Variants in KLHL1 observed in about 807,000 individuals in gnomAD.
KLHL1 encodes the protein kelch-like protein 1.
KLHL1 carries 47 observed loss-of-function variants against 77.7 expected under a neutral mutation model. That is an observed-to-expected ratio of 0.60 (90% CI 0.48 to 0.77). KLHL1 has a LOEUF of 0.77. Ranked by LOEUF, KLHL1 falls within the 30% of genes least tolerant of loss-of-function variation. KLHL1 has a pLI of 0.00. For synonymous variants in KLHL1, 360 were observed against 325.2 expected (o/e 1.11, Z -1.15); for missense variants, 925 against 910.8 (o/e 1.02, Z -0.20).
intron 1 of KLHL1, among the ~76,000 whole-genome samples, chr13:69,980,707 G>C (rs1884681555): frequency 6.6e-6 from 1 of 151,974 alleles, no homozygotes; most frequent in South Asian, 2.1e-4. Context: ...AGATTCAGGG[G>C]ATAGATGTGC....
intron 2 of KLHL1, among the ~76,000 whole-genome samples, chr13:69,968,841 C>A (rs754976134): frequency 2.0e-4 from 30 of 151,790 alleles, no homozygotes; most frequent in Non-Finnish European, 2.1e-4. Flanking sequence ...GAAACCTGCA[C>A]GTTTTGCACA....
chr13:70,093,717 C>G (rs1382303781), intron 1 of KLHL1, among the ~76,000 whole-genome samples: 3 of 151,920 alleles, frequency 2.0e-5, no homozygotes, highest in African/African-American at 7.3e-5. Context: ...ACTTTGTTTT[C>G]TCATGGTATT....
chr13:70,016,855 T>C (rs1042478346), intron 1 of KLHL1, among the ~76,000 whole-genome samples: 1 of 152,050 alleles, frequency 6.6e-6, no homozygotes, highest in Non-Finnish European at 1.5e-5. Context: ...GGTCCACCCA[T>C]GGCCACCCAT....
intron 5 of KLHL1, among the ~76,000 whole-genome samples, chr13:69,847,240 C>T (rs2911511): frequency 0.98 from 148,712 of 151,348 alleles, 73,112 homozygotes; most frequent in East Asian, 1. Context: ...ATAGTAAAAG[C>T]CAGAAAACAT....
intron 1 of KLHL1, among the ~76,000 whole-genome samples, chr13:70,102,471 G>A (rs112748235): frequency 1.3e-5 from 2 of 152,212 alleles, no homozygotes; most frequent in African/African-American, 4.8e-5. Context: ...GTCAATTTAA[G>A]AAGTCTATTT....
rs530828176 is a variant in KLHL1, at chr13:69,878,806, G to A, written c.1227+3477C>T. Reference sequence around the variant, plus strand: ...GCTATAAAGACACATGCACACATATGTTTATTGTGGCACTAGTCACAATAG... The same window carrying A: ...GCTATAAAGACACATGCACACATATATTTATTGTGGCACTAGTCACAATAG... On this transcript the variant is annotated intron_variant, in intron 5 of 10. Coordinates refer to ENST00000377844, the MANE Select transcript of KLHL1 (RefSeq NM_020866.3). 6.6e-5 allele frequency among the ~76,000 whole-genome samples: 10 copies of A among 152,086 alleles called. No homozygotes were observed. In the South Asian group the frequency reaches 2.1e-3, roughly 32 times the overall value.
chr13:70,003,888 G>A (rs905909405), intron 1 of KLHL1, among the ~76,000 whole-genome samples: 1 of 151,600 alleles, frequency 6.6e-6, no homozygotes, highest in Non-Finnish European at 1.5e-5. Flanking sequence ...TGAAGAACTG[G>A]ATCACATCAA....
chr13:70,021,296 T>C lies in KLHL1; in HGVS notation c.498-45494A>G, dbSNP rs556553823. On this transcript the variant is annotated intron_variant, in intron 1 of 10. Coordinates refer to ENST00000377844, the MANE Select transcript of KLHL1 (RefSeq NM_020866.3). ...TTTCAGATTGACCTTTTCCACTCAC[T>C]AATATGCATTAAAGTGTCTTGCATG... 7.2e-5 allele frequency among the ~76,000 whole-genome samples: 11 copies of C among 152,246 alleles called. No individual in the cohort carries two copies. The South Asian group carries it at 2.3e-3, about 32-fold the overall frequency.
At chr13:70,067,476 G>A (rs1166845769) in intron 1 of KLHL1, among the ~76,000 whole-genome samples, 1 of 152,102 alleles carries the variant, frequency 6.6e-6, no homozygotes, top group African/African-American at 2.4e-5. Flanking sequence ...ACCTTGTATG[G>A]GGAAAGCCGG....
chr13:69,944,944 C>T (rs778007019), intron 3 of KLHL1, among the ~76,000 whole-genome samples: 2 of 147,908 alleles, frequency 1.4e-5, no homozygotes, highest in Admixed American at 1.4e-4. Flanking sequence ...AAATGGATCA[C>T]GAAGCTAAAT....
At chr13:70,061,684 A>G (rs1476468371) in intron 1 of KLHL1, among the ~76,000 whole-genome samples, 1 of 152,154 alleles carries the variant, frequency 6.6e-6, no homozygotes, top group Non-Finnish European at 1.5e-5. Flanking sequence ...AGCAGCAAAT[A>G]TGAAGGCTTA....
intron 2 of KLHL1, among the ~76,000 whole-genome samples, chr13:69,972,152 T>C (rs1368980110): frequency 2.0e-5 from 3 of 152,002 alleles, no homozygotes; most frequent in Non-Finnish European, 2.9e-5. Context: ...AGAGAAGCAG[T>C]ACTATCTGCC....
At chr13:70,039,301 C>T (rs1243855802) in intron 1 of KLHL1, among the ~76,000 whole-genome samples, 1 of 152,022 alleles carries the variant, frequency 6.6e-6, no homozygotes, top group African/African-American at 2.4e-5. Flanking sequence ...CCAGACTGGT[C>T]TCAAACTCCT....
At chr13:69,859,515 A>G (rs1880053674) in intron 5 of KLHL1, among the ~76,000 whole-genome samples, 1 of 152,038 alleles carries the variant, frequency 6.6e-6, no homozygotes. Context: ...CCTCTAGGAT[A>G]TGCTAAAAAG....
In KLHL1 at chr13:70,041,341, C is replaced by T. The variant is rs561048641; in HGVS notation, c.498-65539G>A. The stretch of plus-strand genomic sequence containing the variant: ...CCCAGGTGTTATAAATTTTCTATTA[C>T]AATAGTATGGATTTAATTTAAATCT... On this transcript the variant is annotated intron_variant, in intron 1 of 10. Transcript: ENST00000377844. 3.9e-5 allele frequency among the ~76,000 whole-genome samples: 6 copies of T among 152,198 alleles called. No homozygotes were observed. The East Asian group carries it at 1.2e-3, about 29-fold the overall frequency.
chr13:70,030,462 T>C (rs1886069130), intron 1 of KLHL1, among the ~76,000 whole-genome samples: 1 of 152,132 alleles, frequency 6.6e-6, no homozygotes, highest in Admixed American at 6.5e-5. Flanking sequence ...CTCAACTACA[T>C]GGAAACTGAA....
At chr13:69,751,508 T>A (rs537796929) in intron 7 of KLHL1, among the ~76,000 whole-genome samples, 1 of 152,034 alleles carries the variant, frequency 6.6e-6, no homozygotes, top group Admixed American at 6.6e-5. Flanking sequence ...GGATGAGGAA[T>A]TCTTGGCAGA....
intron 3 of KLHL1, among the ~76,000 whole-genome samples, chr13:69,946,100 T>C (rs1481580455): frequency 1.3e-5 from 2 of 152,190 alleles, no homozygotes; most frequent in South Asian, 2.1e-4. Flanking sequence ...ACAGACTCTA[T>C]GATTAACTTC....
At chr13:69,897,076 T>G (rs1881672913) in intron 4 of KLHL1, among the ~76,000 whole-genome samples, 1 of 152,176 alleles carries the variant, frequency 6.6e-6, no homozygotes, top group Non-Finnish European at 1.5e-5. Flanking sequence ...TATTATCTAG[T>G]CAACCGAACC....
Sources: gnomAD v4.1 joint callset for allele counts (sites outside exome capture counted in the v4.1 genomes callset) on GRCh38, gnomAD v4.1.1 for gene constraint, MANE v1.5 for transcripts, NCBI Gene and HGNC (gene_info 2026-07-23, HGNC 2026-07-21) for gene names.